The following DENND2A variants were observed in gnomAD, a reference collection of about 807,000 sequenced individuals.
The protein encoded by DENND2A is DENN domain containing 2A, also known as DENN domain-containing protein 2A.
DENND2A carries 53 observed loss-of-function variants against 105.3 expected under a neutral mutation model. The observed-to-expected ratio is 0.50, with a 90% CI of 0.40 to 0.63. DENND2A has a LOEUF of 0.63. Among genes scored for constraint, DENND2A ranks in the 30% least tolerant of loss-of-function variants. The pLI, the probability that DENND2A is intolerant of heterozygous loss-of-function variation, is 0.00. For missense variants in DENND2A, 1,138 were observed against 1,279.6 expected (o/e 0.89, Z 1.69); for synonymous variants, 522 against 508.4 (o/e 1.03, Z -0.36).
chr7:140,544,677 G>C lies in DENND2A; in HGVS notation c.2268C>G (p.Val756=). Residue 756 remains valine (V), a synonymous_variant, in exon 14 of 20, where the codon GTC becomes GTG. Transcript: ENST00000496613. ...CCAGAAGCAGGGAGGCAAACACACA[G>C]ACCAGGTGGCGGACGCTGAGGGAGG... ...LFSSLSVRHL[V]CVFASLLLER... is the part of the protein sequence containing the mutation. The C allele has an allele frequency of 6.2e-7, 1 of 1,614,092 alleles. No homozygotes were observed.
intron 14 of DENND2A, among the ~76,000 whole-genome samples, chr7:140,530,487 A>G (rs762221496): frequency 1.3e-5 from 2 of 152,132 alleles, no homozygotes; most frequent in Non-Finnish European, 2.9e-5. Flanking sequence ...GCATCCATGC[A>G]TCGCACTGAT....
chr7:140,602,022 G>T lies in DENND2A; in HGVS notation c.376C>A (p.Gln126Lys), dbSNP rs769608384. 7.4e-6 allele frequency: 12 copies of T among 1,614,066 alleles called. No individual in the cohort carries two copies. In the Admixed American group the frequency reaches 8.3e-5, roughly 11 times the overall value. ...NVGGQDPEPG[Q>K]DLSQPEREVD... ...TCCCGTTCTGGCTGGCTTAGGTCTT[G>T]CCCCGGCTCTGGGTCCTGTCCCCCG... The change falls in exon 3 of 20, where the codon CAA (glutamine) becomes AAA (lysine). Residue 126 changes from glutamine (Q) to lysine (K), a missense_variant. Gln to Lys is a moderately conservative substitution (Grantham distance 53). Transcript: ENST00000496613.
rs967824556 is a variant in DENND2A at position 140,640,389 on chromosome 7, C to G, written c.-248+115G>C. The G allele has an allele frequency of 6.6e-6, 1 of 152,260 alleles. No homozygotes were observed. Among genetic ancestry groups the G allele is most frequent in the Non-Finnish European group, 1.5e-5 (1 of 68,104 alleles). 9.4% of individuals were successfully genotyped at this position (152,260 alleles called of 1,614,324 possible). A position where few individuals can be genotyped will look rare whatever the true frequency, so the allele number is the denominator to read the frequency against. ...AGACTCCCGTCTGCAGAGCCGCTTC[C>G]CCCGTCAGGGCTCAGGCCGCGCGAG... On this transcript the variant is annotated intron_variant, in intron 1 of 19. Transcript: ENST00000496613. The surrounding 1 kb of genome is among the most constrained non-coding windows in gnomAD (Gnocchi z 4.9).
intron 11 of DENND2A, 84 bp downstream of exon 11, chr7:140,558,059 G>T: frequency 9.0e-7 from 1 of 1,107,496 alleles, no homozygotes; most frequent in East Asian, 2.4e-5. Context: ...TCAGTCTCAC[G>T]GGACTGGGAA....
At chr7:140,534,229 C>G (rs531589656) in intron 14 of DENND2A, among the ~76,000 whole-genome samples, 5 of 151,940 alleles carry the variant, frequency 3.3e-5, no homozygotes, top group African/African-American at 1.2e-4. Flanking sequence ...GGATTACAGG[C>G]ACGTGCCACC....
intron 17 of DENND2A, among the ~76,000 whole-genome samples, chr7:140,522,996 C>T (rs574166420): frequency 4.6e-5 from 7 of 152,194 alleles, no homozygotes; most frequent in African/African-American, 1.7e-4. Context: ...CAGCCTCAAC[C>T]TCCAGGGCTC....
In DENND2A at chr7:140,555,690, A is replaced by G. The variant is rs766812190; in HGVS notation, c.1983T>C (p.Leu661=). Residue 661 remains leucine (L), a synonymous_variant, in exon 12 of 20, where the codon CTT becomes CTC. Coordinates refer to ENST00000496613, the MANE Select transcript of DENND2A (RefSeq NM_015689.5). ...GGCTCACAATGCAGTAAACTTCAGG[A>G]AGGCGCTTCCCTTTGCCTCCAGGCT... ...RLLPGGKGKR[L]PEVYCIVSRL... is the part of the protein sequence containing the mutation. 6 of 1,608,738 alleles carry G rather than the reference A, an allele frequency of 3.7e-6. No homozygotes were observed. Among genetic ancestry groups the G allele is most frequent in the Non-Finnish European group, 5.1e-6 (6 of 1,178,564 alleles).
At chr7:140,533,789 G>A (rs571162264) in intron 14 of DENND2A, among the ~76,000 whole-genome samples, 44 of 152,298 alleles carry the variant, frequency 2.9e-4, no homozygotes, top group South Asian at 8.3e-4. Flanking sequence ...TGCAACAAAC[G>A]TTTCTGTACC....
intron 9 of DENND2A, among the ~76,000 whole-genome samples, chr7:140,566,110 C>A (rs1797825044): frequency 6.6e-6 from 1 of 152,194 alleles, no homozygotes; most frequent in South Asian, 2.1e-4. Flanking sequence ...CTGCTCACTG[C>A]AAGCTCTGCC....
chr7:140,585,582 C>A lies in DENND2A; in HGVS notation c.1245+7G>T. ...CTCTCCTGCCACCATTCCCAGGGGA[C>A]TCATACCTTGGTGAGTGTGTCAGGG... On this transcript the variant is annotated splice_region_variant and intron_variant, in intron 5 of 19. Coordinates refer to ENST00000496613, the MANE Select transcript of DENND2A (RefSeq NM_015689.5). The A allele has an allele frequency of 6.2e-7, 1 of 1,614,026 alleles. No homozygotes were observed. The highest frequency in any genetic ancestry group is 1.7e-5 in the Admixed American group (1 of 60,012).
chr7:140,554,085 G>A (rs1401811519), intron 12 of DENND2A, among the ~76,000 whole-genome samples: 4 of 152,078 alleles, frequency 2.6e-5, no homozygotes, highest in Non-Finnish European at 4.4e-5. Flanking sequence ...AATTAGCCGG[G>A]TGTGGTGGCA....
At chr7:140,535,389 G>A (rs1382179298) in intron 14 of DENND2A, among the ~76,000 whole-genome samples, 1 of 152,066 alleles carries the variant, frequency 6.6e-6, no homozygotes, top group Non-Finnish European at 1.5e-5. Flanking sequence ...TGCAAACCCT[G>A]AGGCCGTGTG....
At chr7:140,594,816 A>G (rs1160633617) in intron 3 of DENND2A, among the ~76,000 whole-genome samples, 1 of 152,108 alleles carries the variant, frequency 6.6e-6, no homozygotes, top group Non-Finnish European at 1.5e-5. Context: ...TTCCGGTTCA[A>G]GCGATTCTCC....
In DENND2A at chr7:140,522,022, G is replaced by C; in HGVS notation, c.2744C>G (p.Ser915Cys). Residue 915 changes from serine (S) to cysteine (C), a missense_variant, in exon 18 of 20, where the codon TCT becomes TGT. Coordinates refer to ENST00000496613, the MANE Select transcript of DENND2A (RefSeq NM_015689.5). ...RFFVEIVGHY[S>C]LFLTSGEREE... is the part of the protein sequence containing the mutation. ...ACGCTCGCCCGACGTCAGGAACAAA[G>C]AGTAGTGTCCCACAATCTCCACGAA... is the stretch of plus-strand genomic sequence containing the variant. 1 of 1,614,206 alleles carries C rather than the reference G, an allele frequency of 6.2e-7. No individual in the cohort carries two copies. The highest frequency in any genetic ancestry group is 8.5e-7 in the Non-Finnish European group (1 of 1,180,034).
At chr7:140,631,935 A>G (rs1038001977) in intron 1 of DENND2A, among the ~76,000 whole-genome samples, 6 of 151,856 alleles carry the variant, frequency 4.0e-5, no homozygotes, top group Non-Finnish European at 7.4e-5. Context: ...GACTAGTCTC[A>G]CTCCAAGCTC....
chr7:140,587,603 C>CTT (rs1271703739), intron 4 of DENND2A, 50 bp downstream of exon 4: 1 of 1,609,468 alleles, frequency 6.2e-7, no homozygotes, highest in Admixed American at 1.7e-5. Context: ...TCTCCCTCCC[C>CTT]TTTCTCCCAG....
intron 3 of DENND2A, among the ~76,000 whole-genome samples, chr7:140,596,713 G>A (rs1799299405): frequency 6.6e-6 from 1 of 152,156 alleles, no homozygotes; most frequent in Admixed American, 6.5e-5. Flanking sequence ...GCAGTTATTT[G>A]GTTTCATAAA....
In DENND2A at chr7:140,602,405, T is replaced by G. The variant is rs1261698624; in HGVS notation, c.-8A>C. ...CAAGCTGAACATATCCATTCTTGACTCTAGCGTGAGGTTGTGGAGGCCTTC... is the reference window on the plus strand; with the variant it reads ...CAAGCTGAACATATCCATTCTTGACGCTAGCGTGAGGTTGTGGAGGCCTTC... On this transcript the variant is annotated 5_prime_UTR_variant, in exon 3 of 20. Coordinates refer to ENST00000496613, the MANE Select transcript of DENND2A (RefSeq NM_015689.5). 6.5e-7 allele frequency: 1 copy of G among 1,547,008 alleles called. No individual in the cohort carries two copies. The highest frequency in any genetic ancestry group is 8.7e-7 in the Non-Finnish European group (1 of 1,149,952).
chr7:140,622,224 C>T (rs1256483580), intron 1 of DENND2A, among the ~76,000 whole-genome samples: 2 of 151,880 alleles, frequency 1.3e-5, no homozygotes, highest in Non-Finnish European at 1.5e-5. Flanking sequence ...ATGGTGAAAC[C>T]GTCTCTACTA....
Sources: gnomAD v4.1 joint callset for allele counts (sites outside exome capture counted in the v4.1 genomes callset) on GRCh38, gnomAD v4.1.1 for gene constraint, Gnocchi (gnomAD v3.1) non-coding constraint, MANE v1.5 for transcripts, NCBI Gene and HGNC (gene_info 2026-07-23, HGNC 2026-07-21) for gene names.